ARPP21: variants seen among roughly 807,000 people sequenced by gnomAD.
The protein encoded by ARPP21 is cAMP regulated phosphoprotein 21.
ARPP21 carries 69 observed loss-of-function variants against 113.2 expected under a neutral mutation model. The observed-to-expected ratio is 0.61, with a 90% CI of 0.50 to 0.74. The LOEUF (loss-of-function observed/expected upper bound fraction) is 0.74. Among genes scored for constraint, ARPP21 ranks in the 30% least tolerant of loss-of-function variants. The pLI is 0.00. For synonymous variants in ARPP21, 368 were observed against 375.5 expected, an observed-to-expected ratio of 0.98 and a Z score of 0.23; for missense variants, 1,070 against 1,037.4, an observed-to-expected ratio of 1.03 and a Z score of -0.43.
chr3:35,667,963 GAAGAAGAAGAAGAAGAAGAAGA>G (rs2075107646), intron 1 of ARPP21, among the ~76,000 whole-genome samples: 11 of 84,248 alleles, frequency 1.3e-4, no homozygotes, highest in Non-Finnish European at 2.2e-4. Context: ...AGAAGAAGAA[GAAGAAGAAGAAGAAGAAGAAGA>G]AGAAGAAGAA....
intron 13 of ARPP21, among the ~76,000 whole-genome samples, chr3:35,721,080 G>A (rs2093019870): frequency 6.6e-6 from 1 of 152,192 alleles, no homozygotes; most frequent in Admixed American, 6.5e-5. Flanking sequence ...AAGCCTTGGT[G>A]ATTTCAGATG....
chr3:35,698,330 C>T (rs192681596), intron 9 of ARPP21, among the ~76,000 whole-genome samples: 312 of 151,482 alleles, frequency 2.1e-3, no homozygotes, highest in African/African-American at 7.2e-3. Flanking sequence ...ATAAGTTTGT[C>T]GTATTCCTTT....
chr3:35,753,041 A>AGTGTGTGTGTGTGT (rs3086930), intron 19 of ARPP21, among the ~76,000 whole-genome samples: 4 of 144,068 alleles, frequency 2.8e-5, no homozygotes, highest in African/African-American at 7.6e-5. Flanking sequence ...TATGGCAGGA[A>AGTGTGTGTGTGTGT]GTGTGTGTGT....
chr3:35,718,547 C>T (rs2092714489), intron 13 of ARPP21, among the ~76,000 whole-genome samples: 1 of 152,040 alleles, frequency 6.6e-6, no homozygotes, highest in South Asian at 2.1e-4. Flanking sequence ...GTCCCCAAGC[C>T]AGAGCTACCA....
chr3:35,708,879 A>T (rs555904640), intron 10 of ARPP21, 90 bp from the exon 11 acceptor site: 3 of 832,870 alleles, frequency 3.6e-6, no homozygotes, highest in Non-Finnish European at 5.8e-6. Flanking sequence ...GTTTAAGTGA[A>T]CATTTATTAT....
intron 1 of ARPP21, among the ~76,000 whole-genome samples, chr3:35,675,190 A>C (rs1470988797): frequency 6.6e-6 from 1 of 151,500 alleles, no homozygotes; most frequent in Admixed American, 6.6e-5. Context: ...GAGGTTGATG[A>C]CACCACCTTT....
At chr3:35,788,848 A>G (rs928029090) in intron 19 of ARPP21, among the ~76,000 whole-genome samples, 2 of 152,208 alleles carry the variant, frequency 1.3e-5, no homozygotes, top group Non-Finnish European at 2.9e-5. Context: ...TAGAAAACCT[A>G]TTCCATTTTC....
chr3:35,647,807 C>T (rs1191402858), intron 1 of ARPP21, among the ~76,000 whole-genome samples: 1 of 152,106 alleles, frequency 6.6e-6, no homozygotes, highest in African/African-American at 2.4e-5. Flanking sequence ...CAACAACTTG[C>T]TAGTTGTGTG....
intron 19 of ARPP21, among the ~76,000 whole-genome samples, chr3:35,774,355 C>T (rs2096291515): frequency 2.0e-5 from 3 of 152,144 alleles, no homozygotes; most frequent in African/African-American, 7.2e-5. Flanking sequence ...AAATTTGCTT[C>T]TACATTAAAT....
intron 19 of ARPP21, among the ~76,000 whole-genome samples, chr3:35,764,425 A>G (rs2095880456): frequency 6.6e-6 from 1 of 152,162 alleles, no homozygotes; most frequent in African/African-American, 2.4e-5. Flanking sequence ...AAAAGATTTT[A>G]TGAGGTTTTT....
chr3:35,765,231 TTAC>T (rs1285474124), intron 19 of ARPP21, among the ~76,000 whole-genome samples: 1 of 152,122 alleles, frequency 6.6e-6, no homozygotes, highest in Non-Finnish European at 1.5e-5. Context: ...TTTTCAAGGT[TTAC>T]ATCTGTCAAA....
chr3:35,707,733 C>G (rs966550615), intron 10 of ARPP21, among the ~76,000 whole-genome samples: 1 of 151,882 alleles, frequency 6.6e-6, no homozygotes, highest in African/African-American at 2.4e-5. Flanking sequence ...TTATGTTGTT[C>G]TAGAGTAGCC....
intron 19 of ARPP21, among the ~76,000 whole-genome samples, chr3:35,753,941 G>A (rs59698095): frequency 0.036 from 5,261 of 147,758 alleles, 170 homozygotes; most frequent in South Asian, 0.12. Flanking sequence ...ACTGATTAAT[G>A]TAATTGTCAA....
intron 19 of ARPP21, among the ~76,000 whole-genome samples, chr3:35,787,412 G>A (rs2096655522): frequency 6.6e-6 from 1 of 152,190 alleles, no homozygotes; most frequent in South Asian, 2.1e-4. Context: ...TTCAAAGATT[G>A]TGAGGAAAGC....
intron 19 of ARPP21, among the ~76,000 whole-genome samples, chr3:35,758,404 AT>A (rs1311755692): frequency 6.6e-6 from 1 of 152,064 alleles, no homozygotes; most frequent in Non-Finnish European, 1.5e-5. Context: ...GGACAATGCC[AT>A]AGAAGTTTCT....
At chr3:35,706,140 C>T (rs572970497) in intron 9 of ARPP21, among the ~76,000 whole-genome samples, 1 of 152,230 alleles carries the variant, frequency 6.6e-6, no homozygotes, top group Admixed American at 6.5e-5. Flanking sequence ...TAAATTTTAA[C>T]TGTCTAAACC....
At chr3:35,665,823 T>C (rs1309698263) in intron 1 of ARPP21, among the ~76,000 whole-genome samples, 4 of 152,206 alleles carry the variant, frequency 2.6e-5, no homozygotes, top group African/African-American at 9.7e-5. Context: ...ATCGTTGTAA[T>C]GCTTGTTCTC....
At chr3:35,776,715 C>G (rs982865734) in intron 19 of ARPP21, among the ~76,000 whole-genome samples, 2 of 152,074 alleles carry the variant, frequency 1.3e-5, no homozygotes, top group African/African-American at 4.8e-5. Context: ...TCAATTTTCT[C>G]CGAATACTTG....
At chr3:35,742,560 C>T (rs2094736956) in intron 18 of ARPP21, among the ~76,000 whole-genome samples, 1 of 152,188 alleles carries the variant, frequency 6.6e-6, no homozygotes, top group African/African-American at 2.4e-5. Context: ...TGTTATGTAG[C>T]CACAGTTATA....
Sources: allele counts gnomAD v4.1 joint callset (sites outside exome capture counted in the v4.1 genomes callset), GRCh38; gene constraint gnomAD v4.1.1; transcripts MANE v1.5; gene names NCBI Gene and HGNC (gene_info 2026-07-23, HGNC 2026-07-21).